TBC1D2B: variants seen among roughly 807,000 people sequenced by gnomAD.
The protein encoded by TBC1D2B is TBC1 domain family member 2B.
TBC1D2B carries 64 observed loss-of-function variants against 100.8 expected under a neutral mutation model. That is an observed-to-expected ratio of 0.64 (90% CI 0.52 to 0.78). The LOEUF (loss-of-function observed/expected upper bound fraction) is 0.78. Among genes scored for constraint, TBC1D2B ranks in the 30% least tolerant of loss-of-function variants. The pLI is 0.00. For synonymous variants in TBC1D2B, 480 were observed against 479.7 expected (o/e 1.00, Z -0.01); for missense variants, 1,052 against 1,218.4 (o/e 0.86, Z 2.03).
rs1246669936 is a variant in TBC1D2B at position 78,038,456 on chromosome 15, C to G, written c.683+6444G>C. On this transcript the variant is annotated intron_variant, in intron 3 of 12. Transcript: ENST00000300584. ...GTTGGGAAGACATACACCTGAAGAACTGAAAGAAGTCAAGTGGGCCTGCAA... is the reference window on the plus strand; with the variant it reads ...GTTGGGAAGACATACACCTGAAGAAGTGAAAGAAGTCAAGTGGGCCTGCAA... Among the ~76,000 whole-genome samples, 6 of 152,172 alleles carry G rather than the reference C, an allele frequency of 3.9e-5. No homozygotes were observed. The East Asian group carries it at 1.2e-3, about 29-fold the overall frequency.
rs2071791640 is a variant in TBC1D2B, at chr15:77,997,393, C to T, written c.*767G>A. ...TCAAGAAGGGCATTCCACAGAATCT[C>T]ACAGAGCCATGCCTGGCACGGGGCA... On this transcript the variant is annotated 3_prime_UTR_variant, in exon 13 of 13. Transcript: ENST00000300584. 6.6e-6 allele frequency: 1 copy of T among 152,314 alleles called. No individual in the cohort carries two copies. Among genetic ancestry groups the T allele is most frequent in the Non-Finnish European group, 1.5e-5 (1 of 68,076 alleles). The allele number at this position is 152,314 out of a possible 1,614,324, so 9.4% of individuals were successfully genotyped here.
chr15:78,077,407 C>G lies in TBC1D2B; in HGVS notation c.246G>C (p.Leu82Phe). ...AGCTGAAGCAGGCGTCCGCGATGTCCAAGTGGCCGAGGGGCAGCGCGTCCT... is the reference window on the plus strand; with the variant it reads ...AGCTGAAGCAGGCGTCCGCGATGTCGAAGTGGCCGAGGGGCAGCGCGTCCT... ...SPQDALPLGH[L>F]DIADACFSYQ... Residue 82 changes from leucine (L) to phenylalanine (F), a missense_variant, in exon 1 of 13, where the codon TTG becomes TTC. By Grantham distance (22) the Leu-to-Phe change is conservative. Coordinates refer to ENST00000300584, the MANE Select transcript of TBC1D2B (RefSeq NM_144572.2). 5 of 1,546,440 alleles carry G rather than the reference C, an allele frequency of 3.2e-6. No homozygotes were observed. The highest frequency in any genetic ancestry group is 4.4e-6 in the Non-Finnish European group (5 of 1,145,470).
intron 4 of TBC1D2B, among the ~76,000 whole-genome samples, chr15:78,029,351 C>A (rs1418365620): frequency 6.6e-6 from 1 of 152,150 alleles, no homozygotes; most frequent in Non-Finnish European, 1.5e-5. Context: ...AGCCACCACG[C>A]CTGGCCAGTT....
intron 1 of TBC1D2B, among the ~76,000 whole-genome samples, chr15:78,062,636 T>C (rs1439892677): frequency 6.6e-6 from 1 of 152,224 alleles, no homozygotes; most frequent in African/African-American, 2.4e-5. Context: ...TACCCATAAA[T>C]GTATAGAAAA....
At chr15:78,035,144 T>A (rs1363248164) in intron 3 of TBC1D2B, among the ~76,000 whole-genome samples, 1 of 152,152 alleles carries the variant, frequency 6.6e-6, no homozygotes, top group East Asian at 1.9e-4. Context: ...TGATCTGAAA[T>A]AGAAAGTGAG....
In TBC1D2B at chr15:78,077,291, A is replaced by G; in HGVS notation, c.360+2T>C. On this transcript the variant is annotated splice_donor_variant, in intron 1 of 12. Coordinates refer to ENST00000300584, the MANE Select transcript of TBC1D2B (RefSeq NM_144572.2). LOFTEE classifies it high-confidence loss of function. ...GGGCGGCTTTGGGGCGAGCGGTCCC[A>G]CCTTGAGCACCGTGACGGCTCCCGC... 1 of 1,503,048 alleles carries G rather than the reference A, an allele frequency of 6.7e-7. No individual in the cohort carries two copies. Among genetic ancestry groups the G allele is most frequent in the East Asian group, 2.8e-5 (1 of 36,346 alleles). The allele number at this position is 1,503,048 out of a possible 1,614,324, so 93.1% of individuals were successfully genotyped here. A position where few individuals can be genotyped will look rare whatever the true frequency, so the allele number is the denominator to read the frequency against.
At chr15:78,076,193 A>G (rs1019803834) in intron 1 of TBC1D2B, among the ~76,000 whole-genome samples, 7 of 152,292 alleles carry the variant, frequency 4.6e-5, no homozygotes, top group Non-Finnish European at 1.0e-4. Context: ...GCCTTTCAGC[A>G]CCAGGACTCC....
intron 3 of TBC1D2B, among the ~76,000 whole-genome samples, chr15:78,031,764 T>C (rs1378309865): frequency 6.6e-6 from 1 of 151,982 alleles, no homozygotes; most frequent in Admixed American, 6.6e-5. Context: ...TAACAAGGAC[T>C]AGATTTACCC....
intron 1 of TBC1D2B, among the ~76,000 whole-genome samples, chr15:78,055,438 A>T (rs1387812660): frequency 5.9e-5 from 9 of 152,306 alleles, no homozygotes. Context: ...AAGAAGAAGG[A>T]AAGCTGCCAT....
At chr15:78,060,051 A>G (rs894296) in intron 1 of TBC1D2B, among the ~76,000 whole-genome samples, 135,221 of 152,202 alleles carry the variant, frequency 0.89, 60,777 homozygotes, top group East Asian at 0.99. Flanking sequence ...ACTAATGTTC[A>G]CATTCTTTGA....
In TBC1D2B at chr15:78,016,968, C is replaced by T. The variant is rs79630517; in HGVS notation, c.1582-229G>A. 3.9e-5 allele frequency: 18 copies of T among 457,702 alleles called. No homozygotes were observed. In the East Asian group the frequency reaches 7.6e-4, roughly 19 times the overall value. The allele number at this position is 457,702 out of a possible 1,614,324, so 28.4% of individuals were successfully genotyped here. A position where few individuals can be genotyped will look rare whatever the true frequency, so the allele number is the denominator to read the frequency against. On this transcript the variant is annotated intron_variant, in intron 7 of 12. Coordinates refer to ENST00000300584, the MANE Select transcript of TBC1D2B (RefSeq NM_144572.2). ...ATAGAAGGAGTGCTGATAATCAGAC[C>T]TCTGGATGCCAACAAATGCATCACC...
intron 3 of TBC1D2B, among the ~76,000 whole-genome samples, chr15:78,040,827 GAAAGAAAGAAA>G (rs2073066142): frequency 8.8e-6 from 1 of 113,422 alleles, no homozygotes; most frequent in African/African-American, 3.2e-5. Flanking sequence ...AAGAAAGAAG[GAAAGAAAGAAA>G]AAAGAAAGAA....
chr15:78,075,497 A>G (rs945823154), intron 1 of TBC1D2B, among the ~76,000 whole-genome samples: 5 of 152,134 alleles, frequency 3.3e-5, no homozygotes, highest in Non-Finnish European at 7.4e-5. Flanking sequence ...TATTTTAATG[A>G]AAAAAACTGA....
intron 1 of TBC1D2B, among the ~76,000 whole-genome samples, chr15:78,061,536 G>A (rs917844228): frequency 4.0e-5 from 6 of 150,916 alleles, no homozygotes; most frequent in African/African-American, 1.2e-4. Flanking sequence ...CTGTACCACT[G>A]TACTCCAGGC....
rs764288911 is a variant in TBC1D2B at position 78,003,364 on chromosome 15, T to A, written c.2515A>T (p.Ser839Cys). The stretch of plus-strand genomic sequence containing the variant: ...TTAAAGAGGATGTCACTAACGACAC[T>A]ATCCACAAATACCACCAGAAACCAG... ...FNWFLVVFVD[S>C]VVSDILFKIW... Residue 839 changes from serine (S) to cysteine (C), a missense_variant, in exon 11 of 13, where the codon AGT becomes TGT. Ser to Cys is a moderately radical substitution (Grantham distance 112). Around this residue, in one of 4 missense-constraint regions of TBC1D2B, gnomAD observed 373 missense variants for 464.9 expected, o/e 0.80. Coordinates refer to ENST00000300584, the MANE Select transcript of TBC1D2B (RefSeq NM_144572.2). 12 of 1,613,780 alleles carry A rather than the reference T, an allele frequency of 7.4e-6. No homozygotes were observed.
chr15:78,057,073 A>G (rs1427538332), intron 1 of TBC1D2B, among the ~76,000 whole-genome samples: 1 of 152,222 alleles, frequency 6.6e-6, no homozygotes, highest in African/African-American at 2.4e-5. Context: ...CAACCTCTCC[A>G]GCTGCCTCTG....
At chr15:78,069,135 A>C (rs1002470835) in intron 1 of TBC1D2B, among the ~76,000 whole-genome samples, 1 of 152,218 alleles carries the variant, frequency 6.6e-6, no homozygotes, top group African/African-American at 2.4e-5. Flanking sequence ...CACCCCCCTC[A>C]GACGTGAGGT....
chr15:78,074,160 A>G (rs1178953349), intron 1 of TBC1D2B, among the ~76,000 whole-genome samples: 1 of 151,642 alleles, frequency 6.6e-6, no homozygotes, highest in East Asian at 2.0e-4. Context: ...AGCAGCTGGG[A>G]CTACAGCGTG....
chr15:78,020,823 T>C (rs993055756), intron 6 of TBC1D2B, among the ~76,000 whole-genome samples: 1 of 152,168 alleles, frequency 6.6e-6, no homozygotes, highest in Non-Finnish European at 1.5e-5. Flanking sequence ...GGCACACAGC[T>C]GGATGCATAG....
Sources: allele counts gnomAD v4.1 joint callset (sites outside exome capture counted in the v4.1 genomes callset), GRCh38; gene constraint gnomAD v4.1.1; regional missense constraint gnomAD v4.1.1; transcripts MANE v1.5; gene names NCBI Gene and HGNC (gene_info 2026-07-23, HGNC 2026-07-21).